The following LPAR6 variants were observed in gnomAD, a reference collection of about 807,000 sequenced individuals.
The protein encoded by LPAR6 is lysophosphatidic acid receptor 6, also known as G-protein coupled purinergic receptor P2Y5.
A neutral mutation model predicts 22.0 loss-of-function variants in LPAR6; 17 were observed. The ratio of observed to expected loss-of-function variants is 0.77; its 90% confidence interval spans 0.53 to 1.16. The LOEUF is 1.16. Among genes scored for constraint, LPAR6 ranks in the 50% most tolerant of loss-of-function variants. LPAR6 has a pLI of 0.00. For synonymous variants in LPAR6, 136 were observed against 139.8 expected (o/e 0.97, Z 0.19); for missense variants, 384 against 406.9 (o/e 0.94, Z 0.48).
rs767155699 is a variant in LPAR6, at chr13:48,411,603, G to A, written c.821C>T (p.Pro274Leu). Residue 274 changes from proline to leucine, a missense_variant, in exon 1 of 1, where the codon CCA becomes CTA. Transcript: ENST00000620633. ...GGAAACAGCAATACAGAGAGTGATT[G>A]GGTACATTGTCCTTACTGCTGCCAC... ...SVVAAVRTMYPITLCIAVSNC... is the reference protein window; with the variant it reads ...SVVAAVRTMYLITLCIAVSNC... 2.5e-6 allele frequency: 4 copies of A among 1,611,572 alleles called. No homozygotes were observed. Among genetic ancestry groups the A allele is most frequent in the Non-Finnish European group, 3.4e-6 (4 of 1,178,032 alleles).
At chr13:48,390,635 T>C (rs897066680) in intron 1 of LPAR6, among the ~76,000 whole-genome samples, 5 of 152,140 alleles carry the variant, frequency 3.3e-5, no homozygotes, top group South Asian at 2.1e-4. Flanking sequence ...GTCTAACATA[T>C]AGAATTTAGG....
At chr13:48,407,576 G>A (rs1948751526), downstream of LPAR6, among the ~76,000 whole-genome samples, 1 of 152,280 alleles carries the variant, frequency 6.6e-6, no homozygotes, top group Non-Finnish European at 1.5e-5. Flanking sequence ...TTATGTACAT[G>A]CTGATCTCTG....
At chr13:48,438,920 A>G (rs541177517) in intron 1 of LPAR6, among the ~76,000 whole-genome samples, 2 of 151,508 alleles carry the variant, frequency 1.3e-5, no homozygotes, top group South Asian at 2.1e-4. Context: ...AGTGGGTACT[A>G]CTATGAATGT....
intron 1 of LPAR6, among the ~76,000 whole-genome samples, chr13:48,443,206 A>T (rs1469644196): frequency 6.6e-6 from 1 of 151,072 alleles, no homozygotes; most frequent in East Asian, 1.9e-4. Context: ...TGAAAGACTT[A>T]AAAAAAATGC....
chr13:48,412,693 C>T lies in LPAR6; in HGVS notation c.-270G>A, dbSNP rs4151554. The T allele has an allele frequency of 1.8e-5, 9 of 489,944 alleles. No homozygotes were observed. The highest frequency in any genetic ancestry group is 8.8e-5 in the South Asian group (4 of 45,376). 30.3% of individuals were successfully genotyped at this position (489,944 alleles called of 1,614,324 possible). Reference sequence around the variant, plus strand: ...TGAATTCCAAGGCTCAGTTAACTGACGAGCAACCTTTAAAAAATACAGTCA... The same window carrying T: ...TGAATTCCAAGGCTCAGTTAACTGATGAGCAACCTTTAAAAAATACAGTCA... On this transcript the variant is annotated 5_prime_UTR_variant, in exon 1 of 1. Coordinates refer to ENST00000620633, the MANE Select transcript of LPAR6 (RefSeq NM_001162498.3).
upstream of LPAR6, among the ~76,000 whole-genome samples, chr13:48,430,691 G>A (rs574468560): frequency 7.9e-5 from 12 of 152,168 alleles, no homozygotes; most frequent in Admixed American, 6.5e-4. Flanking sequence ...AGTGAGCCGA[G>A]ATTGTGCCAC....
At chr13:48,441,038 T>C (rs1949231823) in intron 1 of LPAR6, among the ~76,000 whole-genome samples, 1 of 152,206 alleles carries the variant, frequency 6.6e-6, no homozygotes, top group Non-Finnish European at 1.5e-5. Context: ...TGAACTCTTA[T>C]TACACTGGAT....
chr13:48,406,959 T>C (rs1948745880), downstream of LPAR6, among the ~76,000 whole-genome samples: 1 of 152,204 alleles, frequency 6.6e-6, no homozygotes, highest in African/African-American at 2.4e-5. Flanking sequence ...TGTGACATTG[T>C]GTCTGTTGTT....
upstream of LPAR6, among the ~76,000 whole-genome samples, chr13:48,414,218 G>T (rs980586193): frequency 6.6e-6 from 1 of 151,948 alleles, no homozygotes. Flanking sequence ...GCAATAGTGC[G>T]TGCCTGTAGT....
chr13:48,421,160 A>C (rs867713361), intron 2 of LPAR6, among the ~76,000 whole-genome samples: 1 of 152,224 alleles, frequency 6.6e-6, no homozygotes, highest in South Asian at 2.1e-4. Flanking sequence ...TAACCAAAAC[A>C]GCATGGTATT....
rs758875706 is a variant in LPAR6 at position 48,411,950 on chromosome 13, G to C, written c.474C>G (p.His158Gln). ...SAPAVFVQST[H>Q]SQGNNASEAC... ...CTTCTGAGGCATTGTTACCCTGAGA[G>C]TGGGTAGACTGAACAAAAACGGCGG... Residue 158 changes from histidine (H) to glutamine (Q), a missense_variant, in exon 1 of 1, where the codon CAC becomes CAG. By Grantham distance (24) the His-to-Gln change is conservative. Transcript: ENST00000620633. 3 of 1,612,452 alleles carry C rather than the reference G, an allele frequency of 1.9e-6. No individual in the cohort carries two copies. In the African/African-American group the frequency reaches 4.0e-5, roughly 22 times the overall value.
intron 2 of LPAR6, among the ~76,000 whole-genome samples, chr13:48,420,817 A>G (rs1948994222): frequency 6.6e-6 from 1 of 152,198 alleles, no homozygotes; most frequent in Non-Finnish European, 1.5e-5. Flanking sequence ...ATACCTAGGC[A>G]TACAACACAC....
At chr13:48,439,485 C>T (rs535754674) in intron 1 of LPAR6, 1 of 152,032 alleles carries the variant, frequency 6.6e-6, no homozygotes, top group Non-Finnish European at 1.5e-5. Flanking sequence ...TGTTAATCTT[C>T]CTTATAGTGC....
intron 1 of LPAR6, among the ~76,000 whole-genome samples, chr13:48,433,873 T>G (rs1949156001): frequency 6.6e-6 from 1 of 151,842 alleles, no homozygotes; most frequent in Admixed American, 6.6e-5. Flanking sequence ...CCTCAATATG[T>G]TTTATTTATA....
chr13:48,408,780 G>C (rs1948762724), downstream of LPAR6: 1 of 152,020 alleles, frequency 6.6e-6, no homozygotes, highest in Non-Finnish European at 1.5e-5. Flanking sequence ...GTTGACAAGA[G>C]ACACCAAAAA....
chr13:48,396,531 A>G (rs186970488), intron 1 of LPAR6, among the ~76,000 whole-genome samples: 1 of 152,324 alleles, frequency 6.6e-6, no homozygotes, highest in Admixed American at 6.5e-5. Flanking sequence ...TAACACCTAA[A>G]ACCATAAAAA....
upstream of LPAR6, among the ~76,000 whole-genome samples, chr13:48,418,085 T>G (rs1026623897): frequency 1.3e-5 from 2 of 152,088 alleles, no homozygotes; most frequent in African/African-American, 2.4e-5. Context: ...ATCGTCAGAT[T>G]CACCAAGGTT....
Position 48,412,465 on chromosome 13 carries a change from C to T in LPAR6, c.-42G>A. ...ATTTTCAGTTTGGAAGCACTTTCAT[C>T]AGCTGCAGTCTCCTTTGGGATTCAG... On this transcript the variant is annotated 5_prime_UTR_variant, in exon 1 of 1. Transcript: ENST00000620633. 1 of 1,271,730 alleles carries T rather than the reference C, an allele frequency of 7.9e-7. No individual in the cohort carries two copies. The allele number at this position is 1,271,730 out of a possible 1,614,324, so 78.8% of individuals were successfully genotyped here.
At chr13:48,409,563 C>T (rs1336908385), downstream of LPAR6, among the ~76,000 whole-genome samples, 2 of 136,958 alleles carry the variant, frequency 1.5e-5, no homozygotes, top group Non-Finnish European at 3.1e-5. Flanking sequence ...CTTTGGAGAA[C>T]TGCTTGATTT....
Sources: allele counts gnomAD v4.1 joint callset (sites outside exome capture counted in the v4.1 genomes callset), GRCh38; gene constraint gnomAD v4.1.1; transcripts MANE v1.5; gene names NCBI Gene and HGNC (gene_info 2026-07-23, HGNC 2026-07-21).